SH3RF1: variants seen among roughly 807,000 people sequenced by gnomAD.
SH3RF1 encodes SH3 domain containing ring finger 1.
A neutral mutation model predicts 74.0 loss-of-function variants in SH3RF1; 32 were observed. The observed-to-expected ratio is 0.43, with a 90% CI of 0.33 to 0.58. SH3RF1 has a LOEUF of 0.58. SH3RF1 is among the 20% of genes least tolerant of loss of function. The pLI, the probability that SH3RF1 is intolerant of heterozygous loss-of-function variation, is 0.05. For synonymous variants in SH3RF1, 396 were observed against 439.6 expected (o/e 0.90, Z 1.24); for missense variants, 954 against 1,130.9 (o/e 0.84, Z 2.24).
chr4:169,261,405 CA>C (rs1374514349), intron 2 of SH3RF1, among the ~76,000 whole-genome samples: 2 of 152,124 alleles, frequency 1.3e-5, no homozygotes, highest in Non-Finnish European at 2.9e-5. Flanking sequence ...CTGCTAAAAG[CA>C]ACATGAGGTC....
intron 2 of SH3RF1, among the ~76,000 whole-genome samples, chr4:169,180,338 C>T (rs999378500): frequency 2.6e-5 from 4 of 152,150 alleles, no homozygotes; most frequent in Admixed American, 6.6e-5. Flanking sequence ...TTCCAAGTCC[C>T]GCTTGTATAA....
At chr4:169,242,760 A>G (rs932578957) in intron 2 of SH3RF1, among the ~76,000 whole-genome samples, 4 of 152,174 alleles carry the variant, frequency 2.6e-5, no homozygotes, top group South Asian at 2.1e-4. Flanking sequence ...ATTGCCATCC[A>G]TCTCCTGCCT....
chr4:169,215,776 G>GT (rs984702988), intron 2 of SH3RF1, among the ~76,000 whole-genome samples: 91 of 145,244 alleles, frequency 6.3e-4, no homozygotes, highest in Admixed American at 1.2e-3. Flanking sequence ...TGTATTTTTT[G>GT]TTTTTTTTTT....
chr4:169,122,277 A>C lies in SH3RF1; in HGVS notation c.1180-11T>G. On this transcript the variant is annotated splice_polypyrimidine_tract_variant and intron_variant, in intron 6 of 11. Transcript: ENST00000284637. ...AGGAGGATTCAAAGTCTAGTATAGG[A>C]AAAACATAAAGAGAAAGGGAAAAAA... 5.1e-6 allele frequency: 8 copies of C among 1,566,062 alleles called. No individual in the cohort carries two copies. The highest frequency in any genetic ancestry group is 6.9e-6 in the Non-Finnish European group (8 of 1,153,388).
At chr4:169,259,822 C>T (rs1472362174) in intron 2 of SH3RF1, among the ~76,000 whole-genome samples, 4 of 152,150 alleles carry the variant, frequency 2.6e-5, no homozygotes, top group Admixed American at 6.5e-5. Context: ...CATACTATGT[C>T]GCTATGTGTA....
chr4:169,264,726 C>G (rs1344992173), intron 2 of SH3RF1, among the ~76,000 whole-genome samples: 1 of 152,228 alleles, frequency 6.6e-6, no homozygotes, highest in African/African-American at 2.4e-5. Flanking sequence ...CACTTCCTAT[C>G]TATCCTACCC....
chr4:169,116,222 C>A, intron 10 of SH3RF1, 47 bp downstream of exon 10: 1 of 1,537,866 alleles, frequency 6.5e-7, no homozygotes. Context: ...AGAAGAAAAA[C>A]AGGGAAGTAA....
intron 2 of SH3RF1, among the ~76,000 whole-genome samples, chr4:169,180,534 A>G (rs960981139): frequency 2.6e-5 from 4 of 152,256 alleles, no homozygotes; most frequent in Non-Finnish European, 4.4e-5. Flanking sequence ...ATGGCCGTTT[A>G]GTATGCAGAC....
At chr4:169,099,975 G>A (rs971179457) in intron 11 of SH3RF1, among the ~76,000 whole-genome samples, 1 of 152,180 alleles carries the variant, frequency 6.6e-6, no homozygotes, top group Non-Finnish European at 1.5e-5. Flanking sequence ...CTGATCTTGA[G>A]CCTTGTGAGG....
At chr4:169,176,074 A>C (rs751606458) in intron 2 of SH3RF1, among the ~76,000 whole-genome samples, 4 of 152,218 alleles carry the variant, frequency 2.6e-5, no homozygotes, top group Non-Finnish European at 5.9e-5. Flanking sequence ...AGAAGGTGGC[A>C]AGCCAGGATG....
chr4:169,244,707 T>A (rs1461346961), intron 2 of SH3RF1, among the ~76,000 whole-genome samples: 1 of 152,192 alleles, frequency 6.6e-6, no homozygotes, highest in Non-Finnish European at 1.5e-5. Context: ...ATGACAGAAT[T>A]TTTTTAAATT....
chr4:169,195,100 A>C (rs148138074), intron 2 of SH3RF1, among the ~76,000 whole-genome samples: 82 of 152,242 alleles, frequency 5.4e-4, no homozygotes, highest in African/African-American at 1.9e-3. Context: ...CTTTAGCTAA[A>C]GTCTGTTTGT....
In SH3RF1 at chr4:169,264,307, T is replaced by C. The variant is rs184030598; in HGVS notation, c.393+4513A>G. Among the ~76,000 whole-genome samples the C allele has an allele frequency of 2.0e-5, 3 of 152,284 alleles. No homozygotes were observed. The East Asian group carries it at 5.8e-4, about 29-fold the overall frequency. On this transcript the variant is annotated intron_variant, in intron 2 of 11. Coordinates refer to ENST00000284637, the MANE Select transcript of SH3RF1 (RefSeq NM_020870.4). Reference sequence around the variant, plus strand: ...TTCCCTATGTGTCTGCATCCTCATCTCCTCTTCTTATAAGAACACTGGTCT... The same window carrying C: ...TTCCCTATGTGTCTGCATCCTCATCCCCTCTTCTTATAAGAACACTGGTCT...
intron 2 of SH3RF1, among the ~76,000 whole-genome samples, chr4:169,229,556 T>C (rs1176188842): frequency 6.6e-6 from 1 of 152,030 alleles, no homozygotes; most frequent in Non-Finnish European, 1.5e-5. Flanking sequence ...TCACAATGCA[T>C]ACTAAGTGTT....
At position 169,170,802 on chromosome 4, in the gene SH3RF1, CCATCAGAG is replaced by C. The variant is rs1460758845; in HGVS notation, c.394-14131_394-14124del. ...TGATCTGTCTGAAATACAACTTTTA[CCATCAGAG>C]CATGTGTCTCATCTGGAAAAGAAGA... On this transcript the variant is annotated intron_variant, in intron 2 of 11. Transcript: ENST00000284637. 3.9e-5 allele frequency among the ~76,000 whole-genome samples: 6 copies of C among 152,248 alleles called. No individual in the cohort carries two copies. In the East Asian group the frequency reaches 1.2e-3, roughly 29 times the overall value.
intron 2 of SH3RF1, among the ~76,000 whole-genome samples, chr4:169,222,724 T>C (rs542392001): frequency 6.6e-6 from 1 of 152,180 alleles, no homozygotes; most frequent in Non-Finnish European, 1.5e-5. Flanking sequence ...TTTCACCTTC[T>C]AAAATGCATT....
chr4:169,222,201 C>T (rs1354595527), intron 2 of SH3RF1, among the ~76,000 whole-genome samples: 6 of 152,250 alleles, frequency 3.9e-5, no homozygotes, highest in South Asian at 2.1e-4. Flanking sequence ...TGGTGGCTTA[C>T]GCCTGTAATC....
intron 2 of SH3RF1, among the ~76,000 whole-genome samples, chr4:169,167,401 A>G (rs1277881834): frequency 6.6e-6 from 1 of 152,204 alleles, no homozygotes; most frequent in Non-Finnish European, 1.5e-5. Flanking sequence ...ATTCTTATAA[A>G]GTTATATGTA....
rs750606925 is a variant in SH3RF1, at chr4:169,106,932, C to T, written c.2413G>A (p.Ala805Thr). The change falls in exon 11 of 12, where the codon GCA becomes ACA. Residue 805 changes from alanine to threonine, a missense_variant. Ala to Thr is a moderately conservative substitution (Grantham distance 58, BLOSUM62 0). Transcript: ENST00000284637. The stretch of plus-strand genomic sequence containing the variant: ...CGAGGAGGTGGAGCGATGGGAACTG[C>T]GGAGTCCAGGGAACTTGCCTTCCTA... ...FHRKASSLDS[A>T]VPIAPPPRQA... The T allele has an allele frequency of 1.1e-5, 17 of 1,613,670 alleles. No individual in the cohort carries two copies. Among genetic ancestry groups the T allele is most frequent in the Admixed American group, 5.0e-5 (3 of 60,014 alleles).
Sources: gnomAD v4.1 joint callset for allele counts (sites outside exome capture counted in the v4.1 genomes callset) on GRCh38, gnomAD v4.1.1 for gene constraint, MANE v1.5 for transcripts, NCBI Gene and HGNC (gene_info 2026-07-23, HGNC 2026-07-21) for gene names.